The following UMAD1 variants were observed in gnomAD, a reference collection of about 807,000 sequenced individuals.
UMAD1 encodes UBAP1-MVB12-associated (UMA) domain containing 1.
Under a neutral mutation model 6.1 loss-of-function variants are expected in UMAD1, and 8 were observed. The ratio of observed to expected loss-of-function variants is 1.30; its 90% confidence interval spans 0.76 to 2.35. UMAD1 has a LOEUF of 2.35. Ranked by LOEUF, UMAD1 falls within the 30% of genes most tolerant of loss-of-function variation. UMAD1 has a pLI of 0.00. For synonymous variants in UMAD1, 56 were observed against 31.4 expected (o/e 1.78, Z -2.61); for missense variants, 130 against 78.4 (o/e 1.66, Z -2.49).
intron 3 of UMAD1, among the ~76,000 whole-genome samples, chr7:7,853,805 A>G (rs982965954): frequency 6.6e-6 from 1 of 152,152 alleles, no homozygotes; most frequent in Non-Finnish European, 1.5e-5. Context: ...ATTGTCATCG[A>G]GATCTTGCTT....
At chr7:7,693,965 G>C (rs985559084) in intron 2 of UMAD1, among the ~76,000 whole-genome samples, 3 of 151,924 alleles carry the variant, frequency 2.0e-5, no homozygotes, top group Non-Finnish European at 4.4e-5. Context: ...CTCTCTTTTT[G>C]TTGCCATTAT....
intron 2 of UMAD1, among the ~76,000 whole-genome samples, chr7:7,699,922 A>G (rs1168180105): frequency 1.3e-5 from 2 of 152,246 alleles, no homozygotes; most frequent in African/African-American, 4.8e-5. Context: ...GATTATAGCC[A>G]GAAAACTACA....
At chr7:7,841,434 A>G (rs1296449063) in intron 3 of UMAD1, among the ~76,000 whole-genome samples, 2 of 150,784 alleles carry the variant, frequency 1.3e-5, no homozygotes, top group Middle Eastern at 3.2e-3. Context: ...TCCCAAGTAC[A>G]CTGGGACCAC....
At position 7,642,642 on chromosome 7, in the gene UMAD1, A is replaced by G. The variant is rs532562605; in HGVS notation, c.-64+1821A>G. On this transcript the variant is annotated intron_variant, in intron 1 of 3. Coordinates refer to ENST00000682710, the MANE Select transcript of UMAD1 (RefSeq NM_001302348.2). ...ATTTTTGAGTCACTTAAAATATTAT[A>G]AAATACATGATGTACAGAAAAAAGT... is the stretch of plus-strand genomic sequence containing the variant. Among the ~76,000 whole-genome samples, 5 of 152,336 alleles carry G rather than the reference A, an allele frequency of 3.3e-5. No individual in the cohort carries two copies. In the South Asian group the frequency reaches 1.0e-3, roughly 32 times the overall value.
intron 3 of UMAD1, among the ~76,000 whole-genome samples, chr7:7,836,225 G>T (rs2042546): frequency 6.6e-6 from 1 of 151,658 alleles, no homozygotes; most frequent in African/African-American, 2.4e-5. Context: ...AGTGGTAAAC[G>T]TGTTTACATA....
chr7:7,787,738 A>G (rs1285920260), intron 2 of UMAD1, among the ~76,000 whole-genome samples: 1 of 152,052 alleles, frequency 6.6e-6, no homozygotes, highest in Non-Finnish European at 1.5e-5. Context: ...ACCCTTGCAA[A>G]CTTCTGGGAA....
intron 2 of UMAD1, among the ~76,000 whole-genome samples, chr7:7,747,342 T>A (rs1006034269): frequency 6.6e-6 from 1 of 152,184 alleles, no homozygotes; most frequent in Non-Finnish European, 1.5e-5. Flanking sequence ...ACTTGCTATA[T>A]CATAGAGCAT....
At chr7:7,675,192 A>G (rs570560924) in intron 2 of UMAD1, among the ~76,000 whole-genome samples, 5 of 152,290 alleles carry the variant, frequency 3.3e-5, no homozygotes, top group African/African-American at 1.2e-4. Context: ...ATGATTAGAA[A>G]TTGACATTAT....
intron 2 of UMAD1, among the ~76,000 whole-genome samples, chr7:7,712,514 T>C (rs1460754078): frequency 6.6e-6 from 1 of 152,216 alleles, no homozygotes; most frequent in Non-Finnish European, 1.5e-5. Context: ...GTTGCCAGCA[T>C]AGAAACATGT....
At chr7:7,745,191 C>T (rs186921456) in intron 2 of UMAD1, among the ~76,000 whole-genome samples, 307 of 152,180 alleles carry the variant, frequency 2.0e-3, no homozygotes, top group African/African-American at 6.9e-3. Context: ...TTGTTGTCTT[C>T]GCTGTGAGTA....
chr7:7,643,677 A>G (rs1583685906), intron 1 of UMAD1, among the ~76,000 whole-genome samples: 1 of 147,326 alleles, frequency 6.8e-6, no homozygotes, highest in East Asian at 2.0e-4. Context: ...GCGCCACTTC[A>G]CTCCAACCTG....
At chr7:7,658,907 A>T (rs1173277870) in intron 1 of UMAD1, among the ~76,000 whole-genome samples, 1 of 152,156 alleles carries the variant, frequency 6.6e-6, no homozygotes, top group African/African-American at 2.4e-5. Context: ...TACCTCTGGT[A>T]GAATTTGGCT....
chr7:7,734,779 C>G lies in UMAD1; in HGVS notation c.82+61326C>G, dbSNP rs76287790. Reference sequence around the variant, plus strand: ...ATTTGCATTAACCACCTTATCATATCTTGTGGTCTTTAAAGGAAAATGATA... The same window carrying G: ...ATTTGCATTAACCACCTTATCATATGTTGTGGTCTTTAAAGGAAAATGATA... On this transcript the variant is annotated intron_variant, in intron 2 of 3. Coordinates refer to ENST00000682710, the MANE Select transcript of UMAD1 (RefSeq NM_001302348.2). Among the ~76,000 whole-genome samples, 1,088 of 152,130 alleles carry G rather than the reference C, an allele frequency of 7.2e-3. 16 individuals carry two copies. The highest frequency in any genetic ancestry group is 0.025 in the African/African-American group (1,047 of 41,504).
chr7:7,798,965 T>C (rs528821304), intron 2 of UMAD1, among the ~76,000 whole-genome samples: 61 of 152,350 alleles, frequency 4.0e-4, no homozygotes, highest in African/African-American at 1.3e-3. Flanking sequence ...TTTGTTTTTG[T>C]TGAAATGTCT....
intron 2 of UMAD1, among the ~76,000 whole-genome samples, chr7:7,690,321 G>C (rs1314553635): frequency 1.3e-5 from 2 of 151,962 alleles, no homozygotes; most frequent in South Asian, 2.1e-4. Context: ...AAAAATTGAA[G>C]TGTATATGTT....
intron 1 of UMAD1, among the ~76,000 whole-genome samples, chr7:7,669,911 C>T (rs1037546048): frequency 2.6e-5 from 4 of 152,052 alleles, no homozygotes; most frequent in Admixed American, 6.5e-5. Flanking sequence ...ACTTTTGGAG[C>T]CTAAATTATC....
intron 2 of UMAD1, among the ~76,000 whole-genome samples, chr7:7,731,955 G>A (rs1044248410): frequency 3.3e-5 from 5 of 152,034 alleles, no homozygotes; most frequent in African/African-American, 1.2e-4. Context: ...TTCCTTATCT[G>A]TACAATGGAG....
intron 1 of UMAD1, among the ~76,000 whole-genome samples, chr7:7,671,674 G>A (rs1779608207): frequency 6.6e-6 from 1 of 151,912 alleles, no homozygotes; most frequent in Non-Finnish European, 1.5e-5. Context: ...ATCTTATTCA[G>A]TTACTTTTTT....
chr7:7,656,502 T>C, intron 1 of UMAD1, among the ~76,000 whole-genome samples: 1 of 152,146 alleles, frequency 6.6e-6, no homozygotes, highest in Non-Finnish European at 1.5e-5. Context: ...GTGTGTGATG[T>C]TCCCCTCCCT....
Sources: gnomAD v4.1 joint callset for allele counts (sites outside exome capture counted in the v4.1 genomes callset) on GRCh38, gnomAD v4.1.1 for gene constraint, MANE v1.5 for transcripts, NCBI Gene and HGNC (gene_info 2026-07-23, HGNC 2026-07-21) for gene names.